The following STRBP variants were observed in gnomAD, a reference collection of about 807,000 sequenced individuals.
STRBP encodes spermatid perinuclear RNA-binding protein.
STRBP carries 13 observed loss-of-function variants against 80.1 expected under a neutral mutation model. That is an observed-to-expected ratio of 0.16 (90% CI 0.11 to 0.26). The LOEUF (loss-of-function observed/expected upper bound fraction) is 0.26. Among genes scored for constraint, STRBP ranks in the 10% least tolerant of loss-of-function variants. The pLI is 1.00. For missense variants in STRBP, 485 were observed against 815.2 expected, an observed-to-expected ratio of 0.59 and a Z score of 4.93; for synonymous variants, 284 against 291.2, an observed-to-expected ratio of 0.98 and a Z score of 0.25.
intron 2 of STRBP, among the ~76,000 whole-genome samples, chr9:123,209,268 C>A (rs116530452): frequency 6.6e-6 from 1 of 152,184 alleles, no homozygotes; most frequent in African/African-American, 2.4e-5. Context: ...ATGGTATAAT[C>A]GAAAGAACAT....
intron 2 of STRBP, among the ~76,000 whole-genome samples, chr9:123,213,376 A>G (rs1264451742): frequency 6.6e-6 from 1 of 152,212 alleles, no homozygotes; most frequent in Non-Finnish European, 1.5e-5. Context: ...CGTTTTTCGA[A>G]ACTTGATAAC....
chr9:123,199,214 G>A (rs1235509779), intron 2 of STRBP, among the ~76,000 whole-genome samples: 10 of 152,202 alleles, frequency 6.6e-5, no homozygotes, highest in South Asian at 2.1e-4. Context: ...GATTACGGGC[G>A]TGAGCCACCG....
chr9:123,182,051 C>A (rs572631309), intron 3 of STRBP, among the ~76,000 whole-genome samples: 1 of 150,606 alleles, frequency 6.6e-6, no homozygotes, highest in African/African-American at 2.4e-5. Context: ...CCTATCTCTA[C>A]TAAAAATACA....
At chr9:123,181,368 C>T (rs74720883) in intron 3 of STRBP, among the ~76,000 whole-genome samples, 2,368 of 152,338 alleles carry the variant, frequency 0.016, 33 homozygotes, top group South Asian at 0.061. Context: ...ACCGGCCACA[C>T]CTGAGCAAAA....
chr9:123,191,973 T>A (rs1316499542), intron 2 of STRBP, among the ~76,000 whole-genome samples: 1 of 152,192 alleles, frequency 6.6e-6, no homozygotes. Flanking sequence ...AGTGATCATA[T>A]TCTGGATATA....
chr9:123,148,211 C>T (rs962503657), intron 11 of STRBP, among the ~76,000 whole-genome samples: 1 of 151,974 alleles, frequency 6.6e-6, no homozygotes, highest in African/African-American at 2.4e-5. Flanking sequence ...GGTGGGGAAC[C>T]TGGAAGGTGA....
At chr9:123,213,607 T>C (rs1238733326) in intron 2 of STRBP, 1 of 152,212 alleles carries the variant, frequency 6.6e-6, no homozygotes, top group Non-Finnish European at 1.5e-5. Flanking sequence ...AAGCAGCTAG[T>C]CTGCGACAGA....
chr9:123,178,608 T>C (rs186767288), intron 4 of STRBP, among the ~76,000 whole-genome samples: 1 of 152,198 alleles, frequency 6.6e-6, no homozygotes, highest in Non-Finnish European at 1.5e-5. Flanking sequence ...ACACTCTTTC[T>C]TCTACACAAG....
At chr9:123,243,066 A>G (rs1316085204) in intron 1 of STRBP, among the ~76,000 whole-genome samples, 3 of 152,184 alleles carry the variant, frequency 2.0e-5, no homozygotes, top group Non-Finnish European at 2.9e-5. Context: ...TTAAAGACTT[A>G]TTATATAGCC....
At chr9:123,137,789 G>C (rs2036424577) in intron 14 of STRBP, among the ~76,000 whole-genome samples, 2 of 152,158 alleles carry the variant, frequency 1.3e-5, no homozygotes, top group Admixed American at 6.5e-5. Context: ...TTGGATAAGT[G>C]GTTGATGCTT....
chr9:123,184,170 C>T lies in STRBP; in HGVS notation c.-36G>A, dbSNP rs1186574900. The T allele has an allele frequency of 6.2e-7, 1 of 1,606,462 alleles. No individual in the cohort carries two copies. Among genetic ancestry groups the T allele is most frequent in the African/African-American group, 1.3e-5 (1 of 74,740 alleles). On this transcript the variant is annotated 5_prime_UTR_variant, in exon 3 of 19. Transcript: ENST00000348403. Reference sequence around the variant, plus strand: ...AGTATTTTAGCTTCTTTTTCCGATCCTTTCCCCTCTTTCTTGTCGTCTTCA... The same window carrying T: ...AGTATTTTAGCTTCTTTTTCCGATCTTTTCCCCTCTTTCTTGTCGTCTTCA...
At chr9:123,252,895 A>G (rs947204005) in intron 1 of STRBP, among the ~76,000 whole-genome samples, 2 of 152,360 alleles carry the variant, frequency 1.3e-5, no homozygotes, top group East Asian at 3.9e-4. Flanking sequence ...TAGAAAAGTG[A>G]CAAGGTTTAT....
intron 2 of STRBP, among the ~76,000 whole-genome samples, chr9:123,214,682 A>G (rs1300818157): frequency 6.6e-6 from 1 of 152,142 alleles, no homozygotes; most frequent in Non-Finnish European, 1.5e-5. Flanking sequence ...CCCAAGTGTA[A>G]CATTAATTCT....
chr9:123,155,386 G>A (rs1171869287), intron 11 of STRBP, among the ~76,000 whole-genome samples: 2 of 152,122 alleles, frequency 1.3e-5, no homozygotes, highest in African/African-American at 4.8e-5. Context: ...CAAGACGGCT[G>A]TTCTCCAACC....
At chr9:123,169,874 A>T (rs2037931974) in intron 6 of STRBP, 28 bp downstream of exon 6, 1 of 590,548 alleles carries the variant, frequency 1.7e-6, no homozygotes, top group African/African-American at 2.8e-5. Flanking sequence ...AAATATATAC[A>T]TATATATATA....
chr9:123,145,588 A>G (rs948351819), intron 13 of STRBP, among the ~76,000 whole-genome samples: 3 of 152,320 alleles, frequency 2.0e-5, no homozygotes, highest in African/African-American at 4.8e-5. Context: ...AAATGCCACA[A>G]CTGTGACTCT....
At chr9:123,200,184 T>C (rs540082246) in intron 2 of STRBP, among the ~76,000 whole-genome samples, 1 of 152,222 alleles carries the variant, frequency 6.6e-6, no homozygotes, top group Non-Finnish European at 1.5e-5. Flanking sequence ...TTTACTGACT[T>C]GCATATTTTA....
chr9:123,225,724 C>A (rs2040215188), intron 2 of STRBP, among the ~76,000 whole-genome samples: 1 of 152,194 alleles, frequency 6.6e-6, no homozygotes, highest in Non-Finnish European at 1.5e-5. Flanking sequence ...TTCCTGGATG[C>A]TAACTTCTCA....
chr9:123,192,197 G>A (rs546703743), intron 2 of STRBP, among the ~76,000 whole-genome samples: 1 of 152,248 alleles, frequency 6.6e-6, no homozygotes, highest in South Asian at 2.1e-4. Context: ...GAAGGCAGCT[G>A]GATATGGACC....
Sources: gnomAD v4.1 joint callset for allele counts (sites outside exome capture counted in the v4.1 genomes callset) on GRCh38, gnomAD v4.1.1 for gene constraint, MANE v1.5 for transcripts, NCBI Gene and HGNC (gene_info 2026-07-23, HGNC 2026-07-21) for gene names.